Variants in GABRA1 observed in about 807,000 individuals in gnomAD.
The protein encoded by GABRA1 is gamma-aminobutyric acid type A receptor subunit alpha1, also known as gamma-aminobutyric acid receptor subunit alpha-1.
A neutral mutation model predicts 48.9 loss-of-function variants in GABRA1; 9 were observed. That is an observed-to-expected ratio of 0.18 (90% CI 0.11 to 0.32). GABRA1 has a LOEUF of 0.32. Ranked by LOEUF, GABRA1 falls within the 10% of genes least tolerant of loss-of-function variation. The probability of loss-of-function intolerance (pLI) is 1.00; values close to 1 mark genes in which losing one functional copy is unlikely to be tolerated. For missense variants in GABRA1, 285 were observed against 553.8 expected, an observed-to-expected ratio of 0.51 and a Z score of 4.87; for synonymous variants, 210 against 198.7, an observed-to-expected ratio of 1.06 and a Z score of -0.48.
At position 161,898,853 on chromosome 5, in the gene GABRA1, A is replaced by T. The variant is rs536156782; in HGVS notation, c.*1431A>T. 104 of 152,720 alleles carry T rather than the reference A, an allele frequency of 6.8e-4. No individual in the cohort carries two copies. Among genetic ancestry groups the T allele is most frequent in the African/African-American group, 2.4e-3 (100 of 41,582 alleles). 9.5% of individuals were successfully genotyped at this position (152,720 alleles called of 1,614,324 possible). ...GCATTAAATATAAAATACATAAAAG[A>T]ATGTACAGAAAATAGCTTTTATTGA... On this transcript the variant is annotated 3_prime_UTR_variant, in exon 10 of 10. Transcript: ENST00000393943.
intron 4 of GABRA1, among the ~76,000 whole-genome samples, chr5:161,869,749 C>T (rs1346172406): frequency 6.6e-6 from 1 of 152,172 alleles, no homozygotes; most frequent in Non-Finnish European, 1.5e-5. Context: ...CACTATTGAA[C>T]AGAGCAACTC....
intron 5 of GABRA1, 53 bp from the exon 6 acceptor site, chr5:161,875,507 C>A: frequency 1.5e-6 from 2 of 1,375,408 alleles, no homozygotes; most frequent in South Asian, 1.2e-5. Context: ...TTGTACTTAT[C>A]AAGAAGTATC....
intron 4 of GABRA1, among the ~76,000 whole-genome samples, chr5:161,867,635 G>T (rs189219258): frequency 1.3e-5 from 2 of 152,152 alleles, no homozygotes; most frequent in East Asian, 1.9e-4. Context: ...CTCAATAAAT[G>T]ATAGCTATTA....
chr5:161,849,831 T>TA (rs1240623898), intron 1 of GABRA1, among the ~76,000 whole-genome samples: 1 of 152,176 alleles, frequency 6.6e-6, no homozygotes, highest in Admixed American at 6.5e-5. Context: ...ACTCCACACA[T>TA]AGACTATATA....
intron 8 of GABRA1, among the ~76,000 whole-genome samples, chr5:161,895,065 T>C (rs1227295292): frequency 6.6e-6 from 1 of 152,074 alleles, no homozygotes; most frequent in Non-Finnish European, 1.5e-5. Flanking sequence ...TATATGTATA[T>C]GAGACACACA....
intron 4 of GABRA1, among the ~76,000 whole-genome samples, chr5:161,869,251 A>T (rs1754005106): frequency 6.6e-6 from 1 of 152,200 alleles, no homozygotes; most frequent in Non-Finnish European, 1.5e-5. Context: ...ATTTAATGCT[A>T]TTGAATGCTT....
rs1034450570 is a variant in GABRA1 at position 161,898,234 on chromosome 5, T to C, written c.*812T>C. On this transcript the variant is annotated 3_prime_UTR_variant, in exon 10 of 10. Coordinates refer to ENST00000393943, the MANE Select transcript of GABRA1 (RefSeq NM_001127644.2). ...AAATAGTTTAAAAATATTCCCTTTTTCACCCTATTTTCAGATAGCACATGA... is the reference window on the plus strand; with the variant it reads ...AAATAGTTTAAAAATATTCCCTTTTCCACCCTATTTTCAGATAGCACATGA... 6.6e-6 allele frequency: 1 copy of C among 152,612 alleles called. No homozygotes were observed. Among genetic ancestry groups the C allele is most frequent in the Admixed American group, 6.5e-5 (1 of 15,272 alleles). The allele number at this position is 152,612 out of a possible 1,614,324, so 9.5% of individuals were successfully genotyped here.
chr5:161,889,317 C>T (rs75299925), intron 7 of GABRA1, among the ~76,000 whole-genome samples: 1,598 of 152,098 alleles, frequency 0.011, 32 homozygotes, highest in African/African-American at 0.036. Flanking sequence ...TAGAGCCATT[C>T]TTCTTTATTA....
At chr5:161,870,108 T>C (rs1359614693) in intron 4 of GABRA1, among the ~76,000 whole-genome samples, 1 of 152,174 alleles carries the variant, frequency 6.6e-6, no homozygotes, top group Non-Finnish European at 1.5e-5. Flanking sequence ...CTTCTCACGA[T>C]TGCAGGGTGA....
At chr5:161,895,632 C>T (rs1410412939) in intron 8 of GABRA1, 34 bp from the exon 9 acceptor site, 2 of 1,562,186 alleles carry the variant, frequency 1.3e-6, no homozygotes, top group Non-Finnish European at 1.8e-6. Context: ...ACAGTATGAA[C>T]TGGCATCATG....
chr5:161,867,067 G>T (rs1157961411), intron 4 of GABRA1, among the ~76,000 whole-genome samples: 1 of 152,116 alleles, frequency 6.6e-6, no homozygotes, highest in Non-Finnish European at 1.5e-5. Context: ...TTACTAATAT[G>T]CAAGAAATAT....
In GABRA1 at chr5:161,890,964, C is replaced by T. The variant is rs1755061866; in HGVS notation, c.770C>T (p.Thr257Ile). Residue 257 changes from threonine (T) to isoleucine (I), a missense_variant, in exon 8 of 10, where the codon ACA becomes ATA. Transcript: ENST00000393943. ...KRKIGYFVIQ[T>I]YLPCIMTVIL... is the part of the protein sequence containing the mutation. ...AAGATTGGCTACTTTGTTATTCAAA[C>T]ATACCTGCCATGCATAATGACAGTG... is the stretch of plus-strand genomic sequence containing the variant. The T allele has an allele frequency of 6.2e-7, 1 of 1,613,168 alleles. No homozygotes were observed. The highest frequency in any genetic ancestry group is 8.5e-7 in the Non-Finnish European group (1 of 1,179,194).
At chr5:161,853,812 C>A (rs1157739391) in intron 2 of GABRA1, 3 of 166,242 alleles carry the variant, frequency 1.8e-5, no homozygotes, top group Middle Eastern at 2.5e-3. Context: ...TTGGAAAGAA[C>A]TTTCCTAGGT....
At chr5:161,868,230 G>A (rs895260996) in intron 4 of GABRA1, among the ~76,000 whole-genome samples, 6 of 152,194 alleles carry the variant, frequency 3.9e-5, no homozygotes, top group African/African-American at 1.4e-4. Flanking sequence ...GATTTGCAGA[G>A]ATTAGGCACC....
chr5:161,863,658 T>C (rs1284050391), intron 3 of GABRA1, among the ~76,000 whole-genome samples: 3 of 151,906 alleles, frequency 2.0e-5, no homozygotes, highest in Admixed American at 6.6e-5. Flanking sequence ...ATCCAAACCA[T>C]ATGAGTGGAT....
chr5:161,852,224 G>A (rs1004843942), intron 2 of GABRA1, among the ~76,000 whole-genome samples: 2 of 151,932 alleles, frequency 1.3e-5, no homozygotes, highest in Admixed American at 1.3e-4. Flanking sequence ...CAAACAATTG[G>A]TGAAAACATT....
At position 161,859,352 on chromosome 5, in the gene GABRA1, A is replaced by T. The variant is rs537604718; in HGVS notation, c.187+5082A>T. ...AATTGTTGCAAGAGATCTCAGCTTTAAGATGTAAGAATTCCCAACTCCTAA... is the reference window on the plus strand; with the variant it reads ...AATTGTTGCAAGAGATCTCAGCTTTTAGATGTAAGAATTCCCAACTCCTAA... On this transcript the variant is annotated intron_variant, in intron 3 of 9. Transcript: ENST00000393943. 4.6e-5 allele frequency among the ~76,000 whole-genome samples: 7 copies of T among 151,826 alleles called. No homozygotes were observed. In the East Asian group the frequency reaches 1.4e-3, roughly 29 times the overall value.
chr5:161,872,195 C>T (rs1754149781), intron 4 of GABRA1: 1 of 152,558 alleles, frequency 6.6e-6, no homozygotes, highest in Non-Finnish European at 1.5e-5. Context: ...CTATTTCAAA[C>T]CATTGAGCTC....
At position 161,897,419 on chromosome 5, in the gene GABRA1, A is replaced by G; in HGVS notation, c.1368A>G (p.Gln456=). ...AGCTAAAAGCCCCCACACCACATCA[A>G]TAGATCTTTTACTCACATTCTGTTG... ...EPQLKAPTPH[Q] The change falls in exon 10 of 10, where the codon CAA becomes CAG. Residue 456 remains glutamine (Q), a synonymous_variant. Transcript: ENST00000393943. 1 of 1,612,980 alleles carries G rather than the reference A, an allele frequency of 6.2e-7. No individual in the cohort carries two copies. Among genetic ancestry groups the G allele is most frequent in the South Asian group, 1.1e-5 (1 of 91,066 alleles).
Sources: gnomAD v4.1 joint callset for allele counts (sites outside exome capture counted in the v4.1 genomes callset) on GRCh38, gnomAD v4.1.1 for gene constraint, MANE v1.5 for transcripts, NCBI Gene and HGNC (gene_info 2026-07-23, HGNC 2026-07-21) for gene names.